TAF1B: variants seen among roughly 807,000 people sequenced by gnomAD.
The protein encoded by TAF1B is TATA-box binding protein associated factor, RNA polymerase I subunit B, also known as TATA box-binding protein-associated factor RNA polymerase I subunit B.
A neutral mutation model predicts 83.9 loss-of-function variants in TAF1B; 61 were observed. That is an observed-to-expected ratio of 0.73 (90% confidence interval 0.59 to 0.90). The LOEUF (loss-of-function observed/expected upper bound fraction) is 0.90, where lower values mean the gene tolerates loss of function less well. TAF1B is among the 40% of genes least tolerant of loss of function. The probability of loss-of-function intolerance (pLI) is 0.00; values close to 1 mark genes in which losing one functional copy is unlikely to be tolerated. For synonymous variants in TAF1B, 221 were observed against 224.6 expected, an observed-to-expected ratio of 0.98 and a Z score of 0.14; for missense variants, 625 against 677.0, an observed-to-expected ratio of 0.92 and a Z score of 0.85.
intron 7 of TAF1B, among the ~76,000 whole-genome samples, chr2:9,881,587 A>T (rs1664509884): frequency 6.6e-6 from 1 of 152,138 alleles, no homozygotes; most frequent in African/African-American, 2.4e-5. Flanking sequence ...AACATACTAT[A>T]GATTTTACTC....
chr2:9,908,582 T>G (rs1665421017), intron 9 of TAF1B, among the ~76,000 whole-genome samples: 1 of 152,220 alleles, frequency 6.6e-6, no homozygotes. Flanking sequence ...ATTTCCTCCA[T>G]TATATTAATG....
Position 9,914,386 on chromosome 2 carries a change from T to C in TAF1B, c.1271+1137T>C, listed in dbSNP as rs191807691. 6.6e-6 allele frequency among the ~76,000 whole-genome samples: 1 copy of C among 152,254 alleles called. No homozygotes were observed. Among genetic ancestry groups the C allele is most frequent in the Admixed American group, 6.5e-5 (1 of 15,296 alleles). On this transcript the variant is annotated intron_variant, in intron 12 of 14. Transcript: ENST00000263663. The surrounding 1 kb of genome is among the most constrained non-coding windows in gnomAD (Gnocchi z 4.3). ...CAGTGGCTCTCAGTGGGCACAAGAA[T>C]AGCAGCAGGAACAAGATTTTGTTAT...
intron 14 of TAF1B, among the ~76,000 whole-genome samples, chr2:9,929,023 A>G (rs1340778529): frequency 2.0e-5 from 3 of 152,168 alleles, no homozygotes; most frequent in African/African-American, 7.2e-5. Flanking sequence ...TATTGTTTTG[A>G]GATATGTTCC....
intron 9 of TAF1B, among the ~76,000 whole-genome samples, 193 bp downstream of exon 9, chr2:9,905,199 T>C (rs951401221): frequency 6.6e-6 from 1 of 152,192 alleles, no homozygotes; most frequent in Non-Finnish European, 1.5e-5. Flanking sequence ...TATTCAGAAA[T>C]AGAGTTTTCA....
intron 5 of TAF1B, among the ~76,000 whole-genome samples, chr2:9,862,425 C>G (rs1663805599): frequency 6.6e-6 from 1 of 152,082 alleles, no homozygotes; most frequent in Non-Finnish European, 1.5e-5. Flanking sequence ...ACAAAGCCTC[C>G]CAGAAATATG....
intron 2 of TAF1B, chr2:9,846,240 TAG>T (rs1480415239): frequency 1.5e-5 from 6 of 403,660 alleles, no homozygotes; most frequent in Non-Finnish European, 3.0e-5. Flanking sequence ...CCTCTTAAAG[TAG>T]AGATTGTCAT....
At chr2:9,850,027 ATGTGTGTG>A (rs3032347) in intron 3 of TAF1B, among the ~76,000 whole-genome samples, 41 of 123,620 alleles carry the variant, frequency 3.3e-4, no homozygotes, top group South Asian at 8.4e-4. Context: ...ATATATATAT[ATGTGTGTG>A]TGTGTGTGTG....
intron 8 of TAF1B, among the ~76,000 whole-genome samples, chr2:9,897,624 C>T (rs1377233521): frequency 1.5e-4 from 23 of 152,116 alleles, no homozygotes; most frequent in Admixed American, 1.5e-3. Flanking sequence ...AATCTTACAC[C>T]CTTTGTGAAA....
At chr2:9,849,718 A>G (rs1225909040) in intron 3 of TAF1B, among the ~76,000 whole-genome samples, 1 of 152,166 alleles carries the variant, frequency 6.6e-6, no homozygotes, top group Non-Finnish European at 1.5e-5. Context: ...ATGATATTCA[A>G]CTTCTAGAAA....
rs80168535 is a variant in TAF1B at position 9,905,512 on chromosome 2, A to C, written c.955+506A>C. Reference sequence around the variant, plus strand: ...CTGGTCAGATCATATTGAACTCTTTAAGGCAGTGAAACATAGAATGTAAAA... The same window carrying C: ...CTGGTCAGATCATATTGAACTCTTTCAGGCAGTGAAACATAGAATGTAAAA... On this transcript the variant is annotated intron_variant, in intron 9 of 14. Transcript: ENST00000263663. 3.9e-3 allele frequency among the ~76,000 whole-genome samples: 594 copies of C among 152,310 alleles called. 3 individuals are homozygous for C. The highest frequency in any genetic ancestry group is 0.013 in the African/African-American group (553 of 41,580).
chr2:9,905,587 A>C (rs982663475), intron 9 of TAF1B, among the ~76,000 whole-genome samples: 1 of 152,214 alleles, frequency 6.6e-6, no homozygotes, highest in Non-Finnish European at 1.5e-5. Context: ...AGGTAACCTC[A>C]GTGGAATCTG....
At position 9,914,254 on chromosome 2, in the gene TAF1B, A is replaced by C. The variant is rs748162096; in HGVS notation, c.1271+1005A>C. Among the ~76,000 whole-genome samples, 10 of 152,146 alleles carry C rather than the reference A, an allele frequency of 6.6e-5. No individual in the cohort carries two copies. The highest frequency in any genetic ancestry group is 1.3e-4 in the Non-Finnish European group (9 of 68,022). The stretch of plus-strand genomic sequence containing the variant: ...GGTTCCCTCTCAGTAGGCAGGATTG[A>C]TGCACAATGAAGAAGAGGGGTGGAG... On this transcript the variant is annotated intron_variant, in intron 12 of 14. Transcript: ENST00000263663. This position sits in a 1 kb window ranked among gnomAD's most constrained non-coding sequence, Gnocchi z 4.3.
chr2:9,855,603 G>C (rs1440764573), intron 5 of TAF1B, among the ~76,000 whole-genome samples: 1 of 152,052 alleles, frequency 6.6e-6, no homozygotes, highest in Non-Finnish European at 1.5e-5. Flanking sequence ...AGGATTGCTT[G>C]AGCTTAGGAG....
rs532008821 is a variant in TAF1B, at chr2:9,853,507, A to G, written c.304-819A>G. Among the ~76,000 whole-genome samples, 125 of 151,552 alleles carry G rather than the reference A, an allele frequency of 8.2e-4. 2 individuals carry two copies. The highest frequency in any genetic ancestry group is 2.8e-3 in the African/African-American group (117 of 41,266). On this transcript the variant is annotated intron_variant, in intron 4 of 14. Transcript: ENST00000263663. ...TTTTCAGACAGGGTCTTGCTCTGTC[A>G]CCCAGACTGGAGTGCAGTGACCTGA... is the stretch of plus-strand genomic sequence containing the variant.
intron 7 of TAF1B, among the ~76,000 whole-genome samples, chr2:9,877,319 A>G (rs1301429150): frequency 6.6e-6 from 1 of 152,164 alleles, no homozygotes; most frequent in African/African-American, 2.4e-5. Context: ...CTAGAGGTTC[A>G]TCATCTGTCT....
At position 9,882,772 on chromosome 2, in the gene TAF1B, A is replaced by T. The variant is rs755147605; in HGVS notation, c.774A>T (p.Leu258Phe). 1 of 1,611,962 alleles carries T rather than the reference A, an allele frequency of 6.2e-7. No individual in the cohort carries two copies. The highest frequency in any genetic ancestry group is 1.1e-5 in the South Asian group (1 of 90,602). The change falls in exon 8 of 15, where the codon TTA becomes TTT. Residue 258 changes from leucine (L) to phenylalanine (F), a missense_variant. Physicochemically the swap from Leu to Phe is conservative, Grantham distance 22. Transcript: ENST00000263663. ...AFQHFPEQMK[L>F]YGRDRGIFGI... ...AGCATTTTCCAGAACAGATGAAATT[A>T]TATGGACGTGACAGAGGAATCTTTG...
At chr2:9,879,484 T>G (rs1664427339) in intron 7 of TAF1B, among the ~76,000 whole-genome samples, 1 of 152,210 alleles carries the variant, frequency 6.6e-6, no homozygotes, top group Admixed American at 6.5e-5. Context: ...CACTTATGAC[T>G]TGTTTATTTC....
intron 2 of TAF1B, 159 bp downstream of exon 2, chr2:9,845,477 T>C (rs287986): frequency 0.21 from 117,271 of 546,296 alleles, 13,581 homozygotes; most frequent in Middle Eastern, 0.25. Flanking sequence ...TACACATAGG[T>C]TAAGGGATTT....
chr2:9,882,627 A>G (rs541591389), intron 7 of TAF1B, 79 bp from the exon 8 acceptor site: 6 of 834,240 alleles, frequency 7.2e-6, no homozygotes, highest in Non-Finnish European at 1.1e-5. Context: ...TCTTTGAATT[A>G]AGAGATTTTT....
Sources: allele counts gnomAD v4.1 joint callset (sites outside exome capture counted in the v4.1 genomes callset), GRCh38; gene constraint gnomAD v4.1.1; non-coding constraint Gnocchi (gnomAD v3.1); transcripts MANE v1.5; gene names NCBI Gene and HGNC (gene_info 2026-07-23, HGNC 2026-07-21).